C16orf96: variants seen among roughly 807,000 people sequenced by gnomAD.
C16orf96 encodes chromosome 16 open reading frame 96, also known as uncharacterized protein C16orf96.
A neutral mutation model predicts 103.6 loss-of-function variants in C16orf96; 108 were observed. That is an observed-to-expected ratio of 1.04 (90% CI 0.89 to 1.22). The LOEUF is 1.22. Among genes scored for constraint, C16orf96 ranks in the 50% most tolerant of loss-of-function variants. C16orf96 has a pLI of 0.00. For synonymous variants in C16orf96, 566 were observed against 593.5 expected, an observed-to-expected ratio of 0.95 and a Z score of 0.67; for missense variants, 1,586 against 1,464.2, an observed-to-expected ratio of 1.08 and a Z score of -1.36.
At chr16:4,561,860 C>A (rs2059335636) in intron 1 of C16orf96, among the ~76,000 whole-genome samples, 1 of 152,182 alleles carries the variant, frequency 6.6e-6, no homozygotes, top group African/African-American at 2.4e-5. Context: ...TCGCGAGTCC[C>A]AGTCTGCCTC....
In C16orf96 at chr16:4,588,164, T is replaced by G; in HGVS notation, c.2428-3T>G. On this transcript the variant is annotated splice_region_variant and splice_polypyrimidine_tract_variant and intron_variant, in intron 8 of 15. Coordinates refer to ENST00000444310, the MANE Select transcript of C16orf96 (RefSeq NM_001145011.2). ...TGCCTCCCTGAACTCCCTGTCTCCC[T>G]AGAAAGCTGACAGGAGTGCCCTGGC... is the stretch of plus-strand genomic sequence containing the variant. The G allele has an allele frequency of 2.6e-6, 4 of 1,550,540 alleles. No individual in the cohort carries two copies. The highest frequency in any genetic ancestry group is 3.5e-6 in the Non-Finnish European group (4 of 1,146,582).
rs575959830 is a variant in C16orf96 at position 4,573,741 on chromosome 16, G to C, written c.526-968G>C. Among the ~76,000 whole-genome samples the C allele has an allele frequency of 1.4e-4, 19 of 135,220 alleles. No homozygotes were observed. The East Asian group carries it at 3.9e-3, about 28-fold the overall frequency. The allele number at this position is 135,220 out of a possible 152,430, so 88.7% of individuals were successfully genotyped here. On this transcript the variant is annotated intron_variant, in intron 2 of 15. Transcript: ENST00000444310. ...CACTCCAGCCTGGGCAACAGAGTGA[G>C]ACTCTGTCTCAAAAAAAAAAAAAAA...
At chr16:4,567,083 G>A (rs1345299405) in intron 1 of C16orf96, among the ~76,000 whole-genome samples, 1 of 151,822 alleles carries the variant, frequency 6.6e-6, no homozygotes, top group Non-Finnish European at 1.5e-5. Flanking sequence ...AGTGTCTTAA[G>A]GTGGAAGGTT....
rs760840513 is a variant in C16orf96 at position 4,576,333 on chromosome 16, G to A, written c.1853G>A (p.Gly618Glu). The change falls in exon 5 of 16, where the codon GGG (glycine) becomes GAG (glutamate). Residue 618 changes from glycine to glutamate, a missense_variant. Gly to Glu is a moderately conservative substitution (Grantham distance 98). Coordinates refer to ENST00000444310, the MANE Select transcript of C16orf96 (RefSeq NM_001145011.2). ...ATDTAAAGPL[G>E]VFADVLGAGP... ...GACACGGCTGCAGCTGGGCCCCTAGGGGTCTTTGCAGATGTCCTGGGTGCA... is the reference window on the plus strand; with the variant it reads ...GACACGGCTGCAGCTGGGCCCCTAGAGGTCTTTGCAGATGTCCTGGGTGCA... 27 of 1,550,670 alleles carry A rather than the reference G, an allele frequency of 1.7e-5. No individual in the cohort carries two copies. The South Asian group carries it at 2.4e-4, about 14-fold the overall frequency.
Position 4,593,695 on chromosome 16 carries a change from G to C in C16orf96, c.2867+379G>C, listed in dbSNP as rs550928815. ...GCCGCTGCTGTGCCCGGCAGGCACT[G>C]TGCCAAGCGCTGGGGCTCACCTGGC... is the stretch of plus-strand genomic sequence containing the variant. On this transcript the variant is annotated intron_variant, in intron 12 of 15. Transcript: ENST00000444310. The surrounding 1 kb of genome is among the most constrained non-coding windows in gnomAD (Gnocchi z 4.2). 2.1e-4 allele frequency among the ~76,000 whole-genome samples: 32 copies of C among 152,272 alleles called. No homozygotes were observed. The highest frequency in any genetic ancestry group is 7.0e-4 in the African/African-American group (29 of 41,554).
chr16:4,588,877 C>T (rs969316647), intron 9 of C16orf96, among the ~76,000 whole-genome samples: 10 of 152,014 alleles, frequency 6.6e-5, no homozygotes, highest in African/African-American at 2.4e-4. Flanking sequence ...GACTCAAACC[C>T]AGAGCTGCCT....
chr16:4,578,290 G>A (rs1393747969), intron 5 of C16orf96, among the ~76,000 whole-genome samples: 6 of 151,942 alleles, frequency 3.9e-5, no homozygotes, highest in African/African-American at 1.4e-4. Flanking sequence ...CTAGAGGCAT[G>A]TGCCACCAAG....
At chr16:4,578,556 G>A (rs1035150052) in intron 5 of C16orf96, among the ~76,000 whole-genome samples, 5 of 151,986 alleles carry the variant, frequency 3.3e-5, no homozygotes, top group African/African-American at 4.8e-5. Context: ...TCAAGAGATC[G>A]AGACCAACCT....
intron 1 of C16orf96, among the ~76,000 whole-genome samples, chr16:4,562,131 G>C (rs2059338948): frequency 6.6e-6 from 1 of 152,044 alleles, no homozygotes; most frequent in Non-Finnish European, 1.5e-5. Flanking sequence ...AACATTAACT[G>C]GTTCACTTTC....
rs963508613 is a variant in C16orf96, at chr16:4,587,254, T to A, written c.2427+141T>A. The stretch of plus-strand genomic sequence containing the variant: ...GAAACCAGGAGTTGGCTGGGCGCAG[T>A]GGCTCATGCCTGTAATCCCAGCACT... On this transcript the variant is annotated intron_variant, in intron 8 of 15. Coordinates refer to ENST00000444310, the MANE Select transcript of C16orf96 (RefSeq NM_001145011.2). The A allele has an allele frequency of 5.4e-5, 43 of 796,738 alleles. 1 individual carries two copies. The Admixed American group carries it at 6.5e-4, about 12-fold the overall frequency. The allele number at this position is 796,738 out of a possible 1,614,324, so 49.4% of individuals were successfully genotyped here. A position where few individuals can be genotyped will look rare whatever the true frequency, so the allele number is the denominator to read the frequency against.
At chr16:4,575,127 A>G in intron 4 of C16orf96, 47 bp from the exon 5 acceptor site, 1 of 1,547,016 alleles carries the variant, frequency 6.5e-7, no homozygotes, top group East Asian at 2.4e-5. Flanking sequence ...TGAGAGTGGG[A>G]GGCGGGGCTG....
At chr16:4,543,901 C>T in the C16orf96 span, among the ~76,000 whole-genome samples, 1 of 152,126 alleles carries the variant, frequency 6.6e-6, no homozygotes, top group African/African-American at 2.4e-5. Context: ...CTAGGCCTCC[C>T]AAAGTGCTGG....
At chr16:4,571,880 C>T (rs1200133743) in intron 2 of C16orf96, among the ~76,000 whole-genome samples, 1 of 151,354 alleles carries the variant, frequency 6.6e-6, no homozygotes, top group South Asian at 2.1e-4. Flanking sequence ...GACAGAGTCT[C>T]ACTCTGTTGC....
intron 1 of C16orf96, among the ~76,000 whole-genome samples, chr16:4,567,432 C>T (rs1271201680): frequency 1.3e-5 from 2 of 150,746 alleles, no homozygotes; most frequent in Admixed American, 6.6e-5. Flanking sequence ...TACACGTGCC[C>T]GCCACCACGC....
At position 4,556,449 on chromosome 16, in the gene C16orf96, GGACACCTGGA is replaced by G. The variant is rs1459099968; in HGVS notation, c.-40_-31del. 6.7e-7 allele frequency: 1 copy of G among 1,482,420 alleles called. No homozygotes were observed. The highest frequency in any genetic ancestry group is 1.4e-5 in the African/African-American group (1 of 71,426). The allele number at this position is 1,482,420 out of a possible 1,614,324, so 91.8% of individuals were successfully genotyped here. A position where few individuals can be genotyped will look rare whatever the true frequency, so the allele number is the denominator to read the frequency against. ...ACTGAAAGCTACCCCTTGTCCTTGA[GGACACCTGGA>G]ACCCCAGCCCCACTGACCCACCCTG... On this transcript the variant is annotated 5_prime_UTR_variant, in exon 1 of 16. Coordinates refer to ENST00000444310, the MANE Select transcript of C16orf96 (RefSeq NM_001145011.2).
In C16orf96 at chr16:4,574,776, T is replaced by C; in HGVS notation, c.593T>C (p.Leu198Pro). The change falls in exon 3 of 16, where the codon CTG (leucine) becomes CCG (proline). Residue 198 changes from leucine (L) to proline (P), a missense_variant. Physicochemically the swap from Leu to Pro is moderately conservative, Grantham distance 98. Coordinates refer to ENST00000444310, the MANE Select transcript of C16orf96 (RefSeq NM_001145011.2). ...FKIQNWKMVA[L>P]QREVASLQNK... ...ATACAGAACTGGAAGATGGTTGCAC[T>C]GCAGCGGGAAGTGGTGAGGGCCACC... The C allele has an allele frequency of 1.3e-6, 2 of 1,551,720 alleles. No individual in the cohort carries two copies. Among genetic ancestry groups the C allele is most frequent in the South Asian group, 1.2e-5 (1 of 84,066 alleles).
chr16:4,547,649 T>TTTCTTTCCTTCC, the C16orf96 span, among the ~76,000 whole-genome samples: 1 of 119,094 alleles, frequency 8.4e-6, no homozygotes, highest in Non-Finnish European at 1.7e-5. Context: ...TCTTTCTTTC[T>TTTCTTTCCTTCC]TTCCTTCCTT....
At chr16:4,580,310 A>ACCCCCCCCCCC (rs150403662) in intron 7 of C16orf96, among the ~76,000 whole-genome samples, 185 bp downstream of exon 7, 50 of 104,480 alleles carry the variant, frequency 4.8e-4, no homozygotes, top group Non-Finnish European at 7.7e-4. Context: ...GAATCCCACC[A>ACCCCCCCCCCC]CCCCCCCCCA....
At chr16:4,549,142 C>T in the C16orf96 span, among the ~76,000 whole-genome samples, 1 of 152,018 alleles carries the variant, frequency 6.6e-6, no homozygotes, top group Admixed American at 6.6e-5. Context: ...GAAGAATTTT[C>T]ACAAACCTCA....
Sources: gnomAD v4.1 joint callset for allele counts (sites outside exome capture counted in the v4.1 genomes callset) on GRCh38, gnomAD v4.1.1 for gene constraint, Gnocchi (gnomAD v3.1) non-coding constraint, MANE v1.5 for transcripts, NCBI Gene and HGNC (gene_info 2026-07-23, HGNC 2026-07-21) for gene names.